Variants in LMO7 observed in about 807,000 individuals in gnomAD.
LMO7 encodes the protein LIM domain 7, also known as LIM domain only protein 7.
Under a neutral mutation model 206.5 loss-of-function variants are expected in LMO7, and 120 were observed. That is an observed-to-expected ratio of 0.58 (90% CI 0.50 to 0.68). The LOEUF is 0.68. Ranked by LOEUF, LMO7 falls within the 30% of genes least tolerant of loss-of-function variation. The probability of loss-of-function intolerance (pLI) is 0.00; values close to 1 mark genes in which losing one functional copy is unlikely to be tolerated. For missense variants in LMO7, 1,959 were observed against 1,957.9 expected, an observed-to-expected ratio of 1.00 and a Z score of -0.01; for synonymous variants, 706 against 681.5, an observed-to-expected ratio of 1.04 and a Z score of -0.56.
chr13:75,701,534 G>C (rs577445873), intron 1 of LMO7, among the ~76,000 whole-genome samples: 1 of 152,098 alleles, frequency 6.6e-6, no homozygotes, highest in Admixed American at 6.5e-5. Context: ...CCATCTTTTT[G>C]CTGTTGAGAA....
chr13:75,838,312 C>A (rs2059299426), intron 20 of LMO7, 116 bp downstream of exon 20: 8 of 1,544,270 alleles, frequency 5.2e-6, no homozygotes, highest in Non-Finnish European at 7.0e-6. Flanking sequence ...GTCATTATGA[C>A]CAAGCGACAT....
chr13:75,625,051 C>A (rs1407524052), intron 2 of LMO7, among the ~76,000 whole-genome samples: 1 of 152,140 alleles, frequency 6.6e-6, no homozygotes, highest in East Asian at 1.9e-4. Context: ...TAATCATGGC[C>A]TTTTTTATTC....
intron 3 of LMO7, among the ~76,000 whole-genome samples, chr13:75,732,652 G>C (rs997828304): frequency 6.6e-6 from 1 of 152,186 alleles, no homozygotes; most frequent in African/African-American, 2.4e-5. Flanking sequence ...GTCCAGCTTT[G>C]TTCCATTGCT....
chr13:75,776,565 A>G (rs989544311), intron 4 of LMO7, among the ~76,000 whole-genome samples: 1 of 152,196 alleles, frequency 6.6e-6, no homozygotes, highest in Admixed American at 6.5e-5. Context: ...TTCGATTGTG[A>G]TTTCAAAAGA....
chr13:75,853,634 G>T (rs147740300), intron 28 of LMO7, among the ~76,000 whole-genome samples: 5 of 152,138 alleles, frequency 3.3e-5, no homozygotes, highest in Non-Finnish European at 7.4e-5. Context: ...TGTTGCCATC[G>T]TCTCATTTGC....
intron 17 of LMO7, 65 bp from the exon 18 acceptor site, chr13:75,835,168 A>G: frequency 6.3e-7 from 1 of 1,596,856 alleles, no homozygotes; most frequent in Non-Finnish European, 8.5e-7. Flanking sequence ...GCAAAGACCA[A>G]CCTTCCCTGC....
chr13:75,668,670 T>TA (rs1019436119), intron 1 of LMO7, among the ~76,000 whole-genome samples: 43 of 152,296 alleles, frequency 2.8e-4, no homozygotes, highest in Middle Eastern at 3.4e-3. Flanking sequence ...ATTTTTTTTT[T>TA]ATACATTAGT....
rs767181502 is a variant in LMO7 at position 75,807,881 on chromosome 13, G to T, written c.1598G>T (p.Gly533Val). The change falls in exon 10 of 31, where the codon GGG (glycine) becomes GTG (valine). Residue 533 changes from glycine to valine, a missense_variant. Coordinates refer to ENST00000377534, the MANE Select transcript of LMO7 (RefSeq NM_001306080.2). ...PAQKKEVPLS[G>V]APDRYHPVPF... ...CAGAAGAAAGAAGTGCCGCTGTCTGGGGCCCCAGATAGATACCACCCAGTC... is the reference window on the plus strand; with the variant it reads ...CAGAAGAAAGAAGTGCCGCTGTCTGTGGCCCCAGATAGATACCACCCAGTC... 1 of 1,613,886 alleles carries T rather than the reference G, an allele frequency of 6.2e-7. No individual in the cohort carries two copies. The highest frequency in any genetic ancestry group is 8.5e-7 in the Non-Finnish European group (1 of 1,179,860).
At chr13:75,630,289 C>T (rs969821539) in intron 2 of LMO7, among the ~76,000 whole-genome samples, 4 of 152,146 alleles carry the variant, frequency 2.6e-5, no homozygotes, top group African/African-American at 9.7e-5. Flanking sequence ...TTGTATCATA[C>T]AGATTTTCTC....
At chr13:75,702,772 G>T (rs1007955680) in intron 1 of LMO7, among the ~76,000 whole-genome samples, 15 of 152,116 alleles carry the variant, frequency 9.9e-5, no homozygotes, top group African/African-American at 3.4e-4. Context: ...CACCATGTCA[G>T]GTATGTATAT....
Position 75,856,530 on chromosome 13 carries a change from G to T in LMO7, c.4795G>T (p.Gly1599Ter). 6.2e-7 allele frequency: 1 copy of T among 1,609,434 alleles called. No individual in the cohort carries two copies. ...GTGTGTTGCCTGTGAGTGTGACCTC[G>T]GAGGCTCTTCCTCAGGAGCTGAAGT... ...FKCVACECDL[G>*]GSSSGAEVRI... Residue 1599 changes from glycine (G) to a stop codon, truncating the protein, a stop_gained, in exon 30 of 31, where the codon GGA (glycine) becomes TGA (stop). Coordinates refer to ENST00000377534, the MANE Select transcript of LMO7 (RefSeq NM_001306080.2). LOFTEE classifies it high-confidence loss of function.
chr13:75,636,788 A>G, intron 1 of LMO7, 62 bp downstream of exon 1: 4 of 1,468,716 alleles, frequency 2.7e-6, no homozygotes, highest in African/African-American at 2.8e-5. Flanking sequence ...GGTCGTCGCG[A>G]GGTGACTGCA....
chr13:75,685,040 G>A (rs1185002914), intron 1 of LMO7, among the ~76,000 whole-genome samples: 1 of 152,134 alleles, frequency 6.6e-6, no homozygotes, highest in African/African-American at 2.4e-5. Context: ...TAGCTATTCA[G>A]TAAATTATTT....
intron 4 of LMO7, among the ~76,000 whole-genome samples, chr13:75,767,023 T>A (rs917389794): frequency 6.6e-6 from 1 of 152,120 alleles, no homozygotes; most frequent in Non-Finnish European, 1.5e-5. Flanking sequence ...TATACCAGAA[T>A]AATGATAATG....
chr13:75,778,020 C>G (rs2140234768), intron 4 of LMO7, among the ~76,000 whole-genome samples: 1 of 152,270 alleles, frequency 6.6e-6, no homozygotes, highest in East Asian at 1.9e-4. Flanking sequence ...TGGTTTCTCA[C>G]TGATTACCCT....
chr13:75,722,982 G>A (rs141924687), intron 2 of LMO7, among the ~76,000 whole-genome samples: 8 of 152,214 alleles, frequency 5.3e-5, no homozygotes, highest in South Asian at 2.1e-4. Context: ...ATGCAAAGGC[G>A]TAAGAATGAT....
chr13:75,804,628 T>C (rs2055200653), intron 8 of LMO7, 87 bp downstream of exon 8: 1 of 1,438,542 alleles, frequency 7.0e-7, no homozygotes, highest in Non-Finnish European at 9.4e-7. Flanking sequence ...GGCTCTTAAA[T>C]GTGTTTCATA....
intron 2 of LMO7, among the ~76,000 whole-genome samples, chr13:75,721,929 C>T (rs1342816182): frequency 6.6e-6 from 1 of 152,162 alleles, no homozygotes; most frequent in Non-Finnish European, 1.5e-5. Context: ...TGCTCTTCCA[C>T]AAAGCAAACA....
intron 7 of LMO7, among the ~76,000 whole-genome samples, chr13:75,803,486 T>C (rs9593127): frequency 0.01 from 1,547 of 152,284 alleles, 27 homozygotes; most frequent in East Asian, 0.069. Flanking sequence ...CTTGGATCTG[T>C]AGTGTTGTTC....
Sources: allele counts gnomAD v4.1 joint callset (sites outside exome capture counted in the v4.1 genomes callset), GRCh38; gene constraint gnomAD v4.1.1; transcripts MANE v1.5; gene names NCBI Gene and HGNC (gene_info 2026-07-23, HGNC 2026-07-21).